Variants in GRIP1 observed in about 807,000 individuals in gnomAD.
The protein encoded by GRIP1 is glutamate receptor interacting protein 1.
GRIP1 carries 45 observed loss-of-function variants against 129.9 expected under a neutral mutation model. That is an observed-to-expected ratio of 0.35 (90% confidence interval 0.27 to 0.44). The LOEUF is 0.44. GRIP1 is among the 20% of genes least tolerant of loss of function. GRIP1 has a pLI of 1.00. For missense variants in GRIP1, 1,196 were observed against 1,396.8 expected (o/e 0.86, Z 2.29); for synonymous variants, 530 against 520.8 (o/e 1.02, Z -0.24).
At chr12:66,664,453 G>T (rs1010908211) in intron 1 of GRIP1, among the ~76,000 whole-genome samples, 4 of 152,140 alleles carry the variant, frequency 2.6e-5, no homozygotes, top group Non-Finnish European at 5.9e-5. Flanking sequence ...GTATGATTAT[G>T]TCTTCAGGTT....
At chr12:66,726,453 T>C (rs2036256352) in intron 1 of GRIP1, among the ~76,000 whole-genome samples, 1 of 152,118 alleles carries the variant, frequency 6.6e-6, no homozygotes, top group African/African-American at 2.4e-5. Flanking sequence ...CCTGAAAGAA[T>C]ATAGGGCATA....
At chr12:66,643,317 T>C (rs529931492) in intron 1 of GRIP1, among the ~76,000 whole-genome samples, 32 of 152,334 alleles carry the variant, frequency 2.1e-4, no homozygotes, top group African/African-American at 7.0e-4. Flanking sequence ...ACAGTGGCAA[T>C]AGTAACATTC....
chr12:66,945,132 TTTG>T (rs2041646986), intron 1 of GRIP1, among the ~76,000 whole-genome samples: 1 of 152,128 alleles, frequency 6.6e-6, no homozygotes, highest in Non-Finnish European at 1.5e-5. Context: ...GCCATTCTCT[TTTG>T]TTTTCTTTTT....
At chr12:66,463,994 G>T (rs1040685519) in intron 8 of GRIP1, among the ~76,000 whole-genome samples, 1 of 152,184 alleles carries the variant, frequency 6.6e-6, no homozygotes, top group Admixed American at 6.5e-5. Flanking sequence ...GACCACAATG[G>T]AGATGTAGAC....
intron 23 of GRIP1, among the ~76,000 whole-genome samples, chr12:66,360,766 CAT>C (rs1056436713): frequency 6.6e-6 from 1 of 152,202 alleles, no homozygotes; most frequent in African/African-American, 2.4e-5. Context: ...AGTTTTGACA[CAT>C]GTGAAAGGCT....
At chr12:66,374,648 T>C (rs1458986306) in intron 22 of GRIP1, among the ~76,000 whole-genome samples, 2 of 152,238 alleles carry the variant, frequency 1.3e-5, no homozygotes, top group Non-Finnish European at 2.9e-5. Context: ...GGACACATGT[T>C]GGAAGTAAAA....
chr12:66,688,771 GAA>G (rs758109287), intron 1 of GRIP1, among the ~76,000 whole-genome samples: 4 of 124,036 alleles, frequency 3.2e-5, no homozygotes, highest in African/African-American at 3.0e-5. Context: ...CACTGACTCT[GAA>G]AAAAAAAAAA....
intron 1 of GRIP1, among the ~76,000 whole-genome samples, chr12:66,843,388 G>C (rs1282763832): frequency 6.6e-6 from 1 of 152,064 alleles, no homozygotes; most frequent in Non-Finnish European, 1.5e-5. Context: ...CCTTATTCAT[G>C]ATTGTTTTGT....
At position 66,788,811 on chromosome 12, in the gene GRIP1, C is replaced by T. The variant is rs933282346; in HGVS notation, c.-420+15242G>A. ...GAGATGATTGTAGCCCCAGCCTATA[C>T]TTTGGTCACAGCCTTCTGAGAGACC... On this transcript the variant is annotated intron_variant, in intron 1 of 4. Coordinates refer to the GRIP1 transcript ENST00000538373. Among the ~76,000 whole-genome samples the T allele has an allele frequency of 5.3e-5, 8 of 152,128 alleles. No individual in the cohort carries two copies. In the South Asian group the frequency reaches 1.0e-3, roughly 20 times the overall value.
At chr12:67,010,111 T>A (rs568715796) in intron 1 of GRIP1, among the ~76,000 whole-genome samples, 1 of 152,280 alleles carries the variant, frequency 6.6e-6, no homozygotes, top group East Asian at 1.9e-4. Flanking sequence ...ACTCTAATTT[T>A]CTATAGATTT....
chr12:66,511,574 G>A (rs1407870599), intron 7 of GRIP1, among the ~76,000 whole-genome samples: 2 of 152,150 alleles, frequency 1.3e-5, no homozygotes, highest in East Asian at 1.9e-4. Flanking sequence ...GTTGTAGAGT[G>A]CACTATATCC....
At chr12:66,406,817 A>G (rs2057208911) in intron 15 of GRIP1, among the ~76,000 whole-genome samples, 1 of 152,204 alleles carries the variant, frequency 6.6e-6, no homozygotes, top group Non-Finnish European at 1.5e-5. Flanking sequence ...GAGCATTAAG[A>G]GAATGACAGA....
intron 1 of GRIP1, among the ~76,000 whole-genome samples, chr12:66,815,454 T>C (rs962067012): frequency 6.6e-6 from 1 of 152,038 alleles, no homozygotes; most frequent in East Asian, 1.9e-4. Flanking sequence ...TTCAGGTGCT[T>C]TAACAAATTA....
chr12:66,601,488 C>A (rs1374109070), intron 1 of GRIP1, among the ~76,000 whole-genome samples: 1 of 152,110 alleles, frequency 6.6e-6, no homozygotes, highest in African/African-American at 2.4e-5. Context: ...TGCAGAGGCA[C>A]CCGATATGAA....
chr12:66,679,255 A>T, upstream of GRIP1: 3 of 642,144 alleles, frequency 4.7e-6, no homozygotes, highest in Non-Finnish European at 6.9e-6. Context: ...TAAGCACTGA[A>T]CAGTGCATTC....
intron 1 of GRIP1, among the ~76,000 whole-genome samples, chr12:67,045,550 T>G (rs1198390304): frequency 6.6e-6 from 1 of 152,202 alleles, no homozygotes; most frequent in Non-Finnish European, 1.5e-5. Flanking sequence ...CAAAGTCACT[T>G]GCACACTGTC....
intron 1 of GRIP1, among the ~76,000 whole-genome samples, chr12:67,013,590 G>C (rs2042740699): frequency 6.6e-6 from 1 of 152,020 alleles, no homozygotes; most frequent in Admixed American, 6.6e-5. Context: ...ATTACAGGAG[G>C]GCCTTTTGAA....
intron 1 of GRIP1, among the ~76,000 whole-genome samples, chr12:66,716,537 TTTA>T (rs1341278417): frequency 3.3e-4 from 50 of 151,674 alleles, no homozygotes; most frequent in Non-Finnish European, 5.9e-5. Context: ...ATTTTTAAAT[TTTA>T]TTATTATTAT....
chr12:66,709,480 G>A (rs1408732578), intron 1 of GRIP1, among the ~76,000 whole-genome samples: 1 of 151,934 alleles, frequency 6.6e-6, no homozygotes, highest in Non-Finnish European at 1.5e-5. Flanking sequence ...CTGGCAAGAG[G>A]TTGTGAAGTC....
Sources: allele counts gnomAD v4.1 joint callset (sites outside exome capture counted in the v4.1 genomes callset), GRCh38; gene constraint gnomAD v4.1.1; transcripts MANE v1.5; gene names NCBI Gene and HGNC (gene_info 2026-07-23, HGNC 2026-07-21).